MYO9A: variants seen among roughly 807,000 people sequenced by gnomAD.
MYO9A encodes the protein unconventional myosin-IXa.
MYO9A carries 103 observed loss-of-function variants against 293.3 expected under a neutral mutation model. That is an observed-to-expected ratio of 0.35 (90% CI 0.30 to 0.41). The LOEUF (loss-of-function observed/expected upper bound fraction) is 0.41, where lower values mean the gene tolerates loss of function less well. Ranked by LOEUF, MYO9A falls within the 10% of genes least tolerant of loss-of-function variation. The probability of loss-of-function intolerance (pLI) is 1.00; values close to 1 mark genes in which losing one functional copy is unlikely to be tolerated. For synonymous variants in MYO9A, 1,001 were observed against 1,035.7 expected, an observed-to-expected ratio of 0.97 and a Z score of 0.64; for missense variants, 2,685 against 3,033.0, an observed-to-expected ratio of 0.89 and a Z score of 2.69.
rs777013606 is a variant in MYO9A at position 72,082,353 on chromosome 15, C to T, written c.-72+35327G>A. Among the ~76,000 whole-genome samples the T allele has an allele frequency of 4.0e-4, 61 of 152,082 alleles. 1 individual carries two copies. The highest frequency in any genetic ancestry group is 1.0e-4 in the Non-Finnish European group (7 of 68,018). ...TCTTGACTGTTGGTGTATTGGAATG[C>T]TAGTGATTTCTGTATGTTGGTTTTA... On this transcript the variant is annotated intron_variant, in intron 1 of 41. Coordinates refer to ENST00000356056, the MANE Select transcript of MYO9A (RefSeq NM_006901.4).
intron 11 of MYO9A, among the ~76,000 whole-genome samples, chr15:71,982,246 T>C (rs1385191448): frequency 2.6e-5 from 4 of 152,058 alleles, no homozygotes. Flanking sequence ...GGTCTCGATA[T>C]CCTGACCTCG....
rs564407023 is a variant in MYO9A at position 72,009,208 on chromosome 15, T to A, written c.1253+1142A>T. ...TTTTAAAAATGATTTTTAATAGAAA[T>A]TCACTAATTTTCATTGAACTGTAGT... On this transcript the variant is annotated intron_variant, in intron 7 of 41. Transcript: ENST00000356056. Among the ~76,000 whole-genome samples the A allele has an allele frequency of 2.0e-5, 3 of 152,300 alleles. No homozygotes were observed. In the South Asian group the frequency reaches 6.2e-4, roughly 32 times the overall value.
intron 6 of MYO9A, among the ~76,000 whole-genome samples, chr15:72,016,653 C>A (rs2077347578): frequency 6.6e-6 from 1 of 152,086 alleles, no homozygotes; most frequent in Non-Finnish European, 1.5e-5. Flanking sequence ...AATAAAAGAT[C>A]CTCAGACTGC....
At position 71,823,386 on chromosome 15, in the gene MYO9A, G is replaced by GGTAA. The variant is rs1403120466; in HGVS notation, c.*3190_*3193dup. 1 of 152,188 alleles carries GGTAA rather than the reference G, an allele frequency of 6.6e-6. No homozygotes were observed. Among genetic ancestry groups the GGTAA allele is most frequent in the Non-Finnish European group, 1.5e-5 (1 of 68,038 alleles). 9.4% of individuals were successfully genotyped at this position (152,188 alleles called of 1,614,324 possible). ...GGAGTCTTCATTAATCTTCCAGCAG[G>GGTAA]GTAAGTGCTCTGGCAGGTTTCCAAA... On this transcript the variant is annotated 3_prime_UTR_variant, in exon 42 of 42. Coordinates refer to ENST00000356056, the MANE Select transcript of MYO9A (RefSeq NM_006901.4).
chr15:71,853,718 A>G (rs1041831561), intron 35 of MYO9A, among the ~76,000 whole-genome samples: 1 of 152,234 alleles, frequency 6.6e-6, no homozygotes, highest in Non-Finnish European at 1.5e-5. Flanking sequence ...AGTCCCCTGC[A>G]TGAATTCCAG....
At chr15:72,003,988 C>G (rs2076947632) in intron 8 of MYO9A, among the ~76,000 whole-genome samples, 2 of 152,152 alleles carry the variant, frequency 1.3e-5, no homozygotes, top group African/African-American at 2.4e-5. Context: ...TTCTCTTTAC[C>G]TAGCACAAAA....
At chr15:71,851,958 A>G (rs950767586) in intron 36 of MYO9A, among the ~76,000 whole-genome samples, 174 bp downstream of exon 36, 1 of 152,252 alleles carries the variant, frequency 6.6e-6, no homozygotes, top group Non-Finnish European at 1.5e-5. Context: ...GTCTCTAAAA[A>G]GTCAACATTT....
At chr15:72,090,805 A>G (rs2079880498) in intron 1 of MYO9A, among the ~76,000 whole-genome samples, 1 of 152,078 alleles carries the variant, frequency 6.6e-6, no homozygotes, top group South Asian at 2.1e-4. Flanking sequence ...TTCTTTTTTA[A>G]AAAAACTCCA....
rs569673082 is a variant in MYO9A at position 71,944,145 on chromosome 15, C to T, written c.2303-5218G>A. Among the ~76,000 whole-genome samples the T allele has an allele frequency of 2.0e-5, 3 of 152,186 alleles. No homozygotes were observed. The South Asian group carries it at 6.2e-4, about 32-fold the overall frequency. ...TTTCATGAGAACACAGATAAATCTTCTTTTGTGGAAGTGTATGTTCAAATC... is the reference window on the plus strand; with the variant it reads ...TTTCATGAGAACACAGATAAATCTTTTTTTGTGGAAGTGTATGTTCAAATC... On this transcript the variant is annotated intron_variant, in intron 15 of 41. Transcript: ENST00000356056.
intron 18 of MYO9A, among the ~76,000 whole-genome samples, chr15:71,925,321 G>A (rs957229746): frequency 4.4e-5 from 1 of 22,906 alleles, no homozygotes; most frequent in Non-Finnish European, 2.1e-4. Flanking sequence ...ATACGTATAT[G>A]TACATATATA....
chr15:71,993,462 AT>A (rs1297735334), intron 10 of MYO9A, among the ~76,000 whole-genome samples: 3 of 152,226 alleles, frequency 2.0e-5, no homozygotes, highest in Non-Finnish European at 4.4e-5. Context: ...AAGAAATAAA[AT>A]AGCGAAAACA....
At chr15:71,970,798 G>C (rs1176103028) in intron 12 of MYO9A, among the ~76,000 whole-genome samples, 1 of 152,140 alleles carries the variant, frequency 6.6e-6, no homozygotes, top group Non-Finnish European at 1.5e-5. Context: ...TATTGAGCCA[G>C]AATTTATCTC....
intron 9 of MYO9A, among the ~76,000 whole-genome samples, chr15:71,995,997 C>T (rs1307264270): frequency 2.0e-5 from 3 of 152,032 alleles, no homozygotes; most frequent in Non-Finnish European, 4.4e-5. Flanking sequence ...CACTAGAAAC[C>T]TGTATTATTT....
intron 1 of MYO9A, among the ~76,000 whole-genome samples, chr15:72,099,909 CAAAAAAAAAAAA>C (rs34892673): frequency 2.5e-5 from 1 of 39,818 alleles, no homozygotes; most frequent in East Asian, 1.0e-3. Flanking sequence ...GACTTGGTCT[CAAAAAAAAAAAA>C]AAAAAAAAAA....
chr15:72,088,311 T>C (rs895807359), intron 1 of MYO9A, among the ~76,000 whole-genome samples: 2 of 152,230 alleles, frequency 1.3e-5, no homozygotes, highest in Admixed American at 1.3e-4. Context: ...GAATACTAAC[T>C]AGTTTTCTGT....
chr15:72,050,080 C>T (rs1172690950), intron 1 of MYO9A, among the ~76,000 whole-genome samples: 1 of 151,950 alleles, frequency 6.6e-6, no homozygotes, highest in Non-Finnish European at 1.5e-5. Context: ...AAGTGTTTAC[C>T]TTTTTTGAGT....
In MYO9A at chr15:71,826,836, G is replaced by A. The variant is rs745417000; in HGVS notation, c.7391C>T (p.Ser2464Leu). The change falls in exon 42 of 42, where the codon TCA becomes TTA. Residue 2464 changes from serine (S) to leucine (L), a missense_variant. This residue lies in a region of MYO9A where 350 missense variants were observed against 328.9 expected (regional missense o/e 1.06). Transcript: ENST00000356056. ...YSKSPFYRAA[S>L]GNEALGMEGP... ...TTCCATTCCCAGGGCCTCATTACCT[G>A]AGGCAGCTCGGTAGAATGGAGATTT... 3 of 1,614,142 alleles carry A rather than the reference G, an allele frequency of 1.9e-6. No individual in the cohort carries two copies. The highest frequency in any genetic ancestry group is 2.5e-6 in the Non-Finnish European group (3 of 1,179,994).
At chr15:72,085,788 G>C (rs952471446) in intron 1 of MYO9A, among the ~76,000 whole-genome samples, 9 of 152,212 alleles carry the variant, frequency 5.9e-5, no homozygotes, top group East Asian at 1.9e-4. Flanking sequence ...GCTGTCCTTC[G>C]AAATGGTTTT....
chr15:71,894,069 T>C (rs996086233), intron 25 of MYO9A, among the ~76,000 whole-genome samples: 1 of 152,124 alleles, frequency 6.6e-6, no homozygotes, highest in African/African-American at 2.4e-5. Flanking sequence ...AAAATAGATC[T>C]GATGATGGGG....
Sources: gnomAD v4.1 joint callset for allele counts (sites outside exome capture counted in the v4.1 genomes callset) on GRCh38, gnomAD v4.1.1 for gene constraint, gnomAD v4.1.1 regional missense constraint, MANE v1.5 for transcripts, NCBI Gene and HGNC (gene_info 2026-07-23, HGNC 2026-07-21) for gene names.